Variants in BTNL8 observed in about 807,000 individuals in gnomAD.
BTNL8 encodes the protein butyrophilin-like protein 8.
BTNL8 carries 22 observed loss-of-function variants against 36.1 expected under a neutral mutation model. The observed-to-expected ratio is 0.61, with a 90% confidence interval of 0.44 to 0.87. The LOEUF is 0.87. Among genes scored for constraint, BTNL8 ranks in the 40% least tolerant of loss-of-function variants. The pLI, the probability that BTNL8 is intolerant of heterozygous loss-of-function variation, is 0.00. For missense variants in BTNL8, 526 were observed against 616.9 expected, an observed-to-expected ratio of 0.85 and a Z score of 1.56; for synonymous variants, 203 against 235.6, an observed-to-expected ratio of 0.86 and a Z score of 1.27.
At position 180,908,851 on chromosome 5, in the gene BTNL8, T is replaced by C; in HGVS notation, c.315T>C (p.Thr105=). Residue 105 remains threonine (T), a synonymous_variant, in exon 2 of 8, where the codon ACT becomes ACC. Coordinates refer to ENST00000340184, the MANE Select transcript of BTNL8 (RefSeq NM_001040462.3). ...GRISLRLENI[T]VLDAGLYGCR... is the part of the protein sequence containing the mutation. ...TCTCTCTGAGGCTGGAAAACATTAC[T>C]GTGTTGGATGCTGGCCTCTATGGGT... The C allele has an allele frequency of 1.9e-6, 3 of 1,614,176 alleles. No individual in the cohort carries two copies. The highest frequency in any genetic ancestry group is 2.5e-6 in the Non-Finnish European group (3 of 1,180,042).
At chr5:180,940,933 A>G (rs191046172) in intron 3 of BTNL8, among the ~76,000 whole-genome samples, 1 of 151,972 alleles carries the variant, frequency 6.6e-6, no homozygotes. Context: ...AACAAAAAAA[A>G]CCCATAAAAA....
chr5:180,899,452 C>A, intron 1 of BTNL8, 93 bp downstream of exon 1: 2 of 1,407,684 alleles, frequency 1.4e-6, no homozygotes, highest in South Asian at 2.3e-5. Context: ...GCATCTTTGT[C>A]GTTTCCATTC....
At position 180,935,408 on chromosome 5, in the gene BTNL8, T is replaced by C. The variant is rs1275721842; in HGVS notation, c.674-12104T>C. Among the ~76,000 whole-genome samples the C allele has an allele frequency of 6.6e-6, 1 of 152,188 alleles. No individual in the cohort carries two copies. Among genetic ancestry groups the C allele is most frequent in the African/African-American group, 2.4e-5 (1 of 41,446 alleles). Reference sequence around the variant, plus strand: ...TCGTCCTCCCTCCTGTGCTCACTGGTGCTCAAAGTCCAGAAGGAGCTGAGG... The same window carrying C: ...TCGTCCTCCCTCCTGTGCTCACTGGCGCTCAAAGTCCAGAAGGAGCTGAGG... On this transcript the variant is annotated intron_variant, in intron 3 of 7. Transcript: ENST00000340184. This position sits in a 1 kb window ranked among gnomAD's most constrained non-coding sequence, Gnocchi z 4.8.
rs374347303 is a variant in BTNL8 at position 180,950,270 on chromosome 5, T to C, written c.1229T>C (p.Phe410Ser). The C allele has an allele frequency of 6.8e-7, 1 of 1,463,794 alleles. No homozygotes were observed. Among genetic ancestry groups the C allele is most frequent in the Non-Finnish European group, 9.4e-7 (1 of 1,059,156 alleles). The allele number at this position is 1,463,794 out of a possible 1,614,324, so 90.7% of individuals were successfully genotyped here. A position where few individuals can be genotyped will look rare whatever the true frequency, so the allele number is the denominator to read the frequency against. ...PRTPPTKIGV[F>S]LDYECGTISF... is the part of the protein sequence containing the mutation. Reference sequence around the variant, plus strand: ...ACCCCACCTACAAAAATAGGGGTCTTCCTGGACTATGAGTGTGGGACCATC... The same window carrying C: ...ACCCCACCTACAAAAATAGGGGTCTCCCTGGACTATGAGTGTGGGACCATC... The change falls in exon 8 of 8, where the codon TTC becomes TCC. Residue 410 changes from phenylalanine to serine, a missense_variant. By Grantham distance (155) the Phe-to-Ser change is radical. This residue lies in a region of BTNL8 where 176 missense variants were observed against 292.3 expected (regional missense o/e 0.60). Transcript: ENST00000340184.
intron 3 of BTNL8, among the ~76,000 whole-genome samples, chr5:180,947,167 G>A (rs1759298638): frequency 6.6e-6 from 1 of 152,080 alleles, no homozygotes; most frequent in Non-Finnish European, 1.5e-5. Context: ...CAAAATTATT[G>A]GCACAAAAGT....
chr5:180,914,043 C>T (rs1228364048), intron 3 of BTNL8, among the ~76,000 whole-genome samples: 9 of 152,160 alleles, frequency 5.9e-5, no homozygotes, highest in African/African-American at 7.2e-5. Flanking sequence ...ACATAAAATG[C>T]TTTACAAAAA....
At chr5:180,910,919 G>A (rs1481518912) in intron 2 of BTNL8, among the ~76,000 whole-genome samples, 1 of 152,198 alleles carries the variant, frequency 6.6e-6, no homozygotes, top group Non-Finnish European at 1.5e-5. Context: ...TTTCATGGGG[G>A]AGGATGAGAC....
At chr5:180,901,783 C>T (rs555285465) in intron 1 of BTNL8, among the ~76,000 whole-genome samples, 5 of 152,168 alleles carry the variant, frequency 3.3e-5, no homozygotes, top group Admixed American at 2.6e-4. Flanking sequence ...AAGCACTAGG[C>T]GAACCACCTT....
rs901221039 is a variant in BTNL8, at chr5:180,932,247, C to A, written c.674-15265C>A. Among the ~76,000 whole-genome samples, 3 of 152,152 alleles carry A rather than the reference C, an allele frequency of 2.0e-5. 1 individual carries two copies. Among genetic ancestry groups the A allele is most frequent in the African/African-American group, 7.2e-5 (3 of 41,428 alleles). On this transcript the variant is annotated intron_variant, in intron 3 of 7. Transcript: ENST00000340184. ...AGGAGGGATAGCATTAGGAGAAATA[C>A]GTAATGTAGATGATGAGTTGATGGG...
At chr5:180,927,062 A>T (rs1159841177) in intron 3 of BTNL8, among the ~76,000 whole-genome samples, 1 of 152,208 alleles carries the variant, frequency 6.6e-6, no homozygotes, top group Non-Finnish European at 1.5e-5. Flanking sequence ...CAGACGCCTC[A>T]TACAGGAGAG....
chr5:180,916,665 T>C (rs1757642122), intron 3 of BTNL8, among the ~76,000 whole-genome samples: 2 of 152,080 alleles, frequency 1.3e-5, no homozygotes, highest in Non-Finnish European at 2.9e-5. Context: ...GAAATAAATA[T>C]AAAATGTCAT....
intron 3 of BTNL8, among the ~76,000 whole-genome samples, chr5:180,921,476 G>C (rs1276207975): frequency 6.6e-6 from 1 of 152,016 alleles, no homozygotes; most frequent in African/African-American, 2.4e-5. Context: ...GCATAACTGT[G>C]ATTGCCAGGG....
chr5:180,943,166 G>A (rs1237347903), intron 3 of BTNL8, among the ~76,000 whole-genome samples: 3 of 124,704 alleles, frequency 2.4e-5, no homozygotes, highest in Non-Finnish European at 3.1e-5. Context: ...GCAGAGTCTC[G>A]CTCTGTCGCC....
At chr5:180,913,380 C>G (rs1432274037) in intron 3 of BTNL8, among the ~76,000 whole-genome samples, 1 of 152,162 alleles carries the variant, frequency 6.6e-6, no homozygotes, top group Non-Finnish European at 1.5e-5. Flanking sequence ...CCTACCATTC[C>G]TCTTTGCTTC....
chr5:180,947,578 T>C lies in BTNL8; in HGVS notation c.740T>C (p.Leu247Pro), dbSNP rs750351235. The C allele has an allele frequency of 9.9e-6, 16 of 1,614,206 alleles. No individual in the cohort carries two copies. The South Asian group carries it at 1.6e-4, about 17-fold the overall frequency. ...GTACTGGGAATACTCTGCTGTGGCC[T>C]ATTTTTTGGCATTGTTGGACTGAAG... The part of the protein sequence containing the change: ...TKVLGILCCG[L>P]FFGIVGLKIF... The change falls in exon 4 of 8, where the codon CTA becomes CCA. Residue 247 changes from leucine to proline, a missense_variant. By Grantham distance (98) the Leu-to-Pro change is moderately conservative. This residue lies in a region of BTNL8 where 350 missense variants were observed against 324.6 expected (regional missense o/e 1.08). Transcript: ENST00000340184.
chr5:180,908,376 C>T (rs572115061), intron 1 of BTNL8, among the ~76,000 whole-genome samples: 8 of 152,230 alleles, frequency 5.3e-5, no homozygotes, highest in South Asian at 4.1e-4. Context: ...GGCTCGTGCA[C>T]GGTGCGCGCA....
chr5:180,928,664 C>T (rs1758219031), intron 3 of BTNL8, among the ~76,000 whole-genome samples: 1 of 152,104 alleles, frequency 6.6e-6, no homozygotes, highest in South Asian at 2.1e-4. Context: ...CGTTGCAATC[C>T]TAGTCTCTGA....
At chr5:180,921,382 C>T (rs1757852495) in intron 3 of BTNL8, among the ~76,000 whole-genome samples, 2 of 151,810 alleles carry the variant, frequency 1.3e-5, no homozygotes, top group Admixed American at 1.3e-4. Context: ...ACATGGAGGA[C>T]ATTATGTTAA....
At chr5:180,916,468 AAAT>A (rs1162853397) in intron 3 of BTNL8, among the ~76,000 whole-genome samples, 2 of 152,150 alleles carry the variant, frequency 1.3e-5, no homozygotes, top group Admixed American at 1.3e-4. Context: ...AGGAAGGAAA[AAAT>A]AATAATTAGA....
Sources: gnomAD v4.1 joint callset for allele counts (sites outside exome capture counted in the v4.1 genomes callset) on GRCh38, gnomAD v4.1.1 for gene constraint, gnomAD v4.1.1 regional missense constraint, Gnocchi (gnomAD v3.1) non-coding constraint, MANE v1.5 for transcripts, NCBI Gene and HGNC (gene_info 2026-07-23, HGNC 2026-07-21) for gene names.